The following RALGAPB variants were observed in gnomAD, a reference collection of about 807,000 sequenced individuals.
RALGAPB encodes the protein ral GTPase-activating protein subunit beta.
In RALGAPB, 25 loss-of-function variants were observed where a neutral mutation model predicts 161.1. That is an observed-to-expected ratio of 0.16 (90% CI 0.11 to 0.22). The LOEUF is 0.22. Among genes scored for constraint, RALGAPB ranks in the 10% least tolerant of loss-of-function variants. The pLI is 1.00. For synonymous variants in RALGAPB, 629 were observed against 626.1 expected (o/e 1.00, Z -0.07); for missense variants, 1,391 against 1,815.2 (o/e 0.77, Z 4.25).
intron 19 of RALGAPB, 84 bp downstream of exon 19, chr20:38,546,514 A>G: frequency 1.3e-6 from 2 of 1,564,722 alleles, no homozygotes; most frequent in South Asian, 2.3e-5. Flanking sequence ...TCAGGGAAGG[A>G]CAGCCTACAG....
At chr20:38,479,810 C>T (rs6064605) in intron 1 of RALGAPB, among the ~76,000 whole-genome samples, 1 of 152,142 alleles carries the variant, frequency 6.6e-6, no homozygotes, top group Admixed American at 6.5e-5. Context: ...ACTACAGTGC[C>T]TGAAACCTCC....
At chr20:38,520,868 A>G (rs1234133161) in intron 9 of RALGAPB, among the ~76,000 whole-genome samples, 5 of 152,032 alleles carry the variant, frequency 3.3e-5, no homozygotes, top group African/African-American at 7.2e-5. Context: ...TATCAATCCA[A>G]TTTTCTGATT....
chr20:38,482,526 C>G (rs2084999725), intron 1 of RALGAPB, among the ~76,000 whole-genome samples: 2 of 146,194 alleles, frequency 1.4e-5, no homozygotes, highest in African/African-American at 2.5e-5. Flanking sequence ...CTCCCAGGTT[C>G]AAGAGATTCT....
intron 17 of RALGAPB, 72 bp downstream of exon 17, chr20:38,540,030 A>C (rs2086920825): frequency 7.3e-7 from 1 of 1,363,862 alleles, no homozygotes; most frequent in Non-Finnish European, 1.0e-6. Context: ...TTTGAAAGAG[A>C]ATATCTAAAT....
Position 38,551,048 on chromosome 20 carries a change from CATA to C in RALGAPB, c.3010-20_3010-18del. On this transcript the variant is annotated intron_variant, in intron 20 of 29. Transcript: ENST00000262879. ...TGGGTATTGGACCCTGTGTAATAAA[CATA>C]ATGTTACTTGTTTTAACAGCTTTTT... 1.9e-6 allele frequency: 3 copies of C among 1,611,728 alleles called. No homozygotes were observed. The South Asian group carries it at 3.3e-5, about 18-fold the overall frequency.
intron 9 of RALGAPB, 107 bp downstream of exon 9, chr20:38,518,107 T>A: frequency 9.2e-7 from 1 of 1,081,276 alleles, no homozygotes; most frequent in Non-Finnish European, 1.3e-6. Context: ...AAAAGCTCTC[T>A]GTTTCTGACC....
At position 38,560,957 on chromosome 20, in the gene RALGAPB, G is replaced by A. The variant is rs577989693; in HGVS notation, c.3532-1575G>A. Among the ~76,000 whole-genome samples, 17 of 152,330 alleles carry A rather than the reference G, an allele frequency of 1.1e-4. No homozygotes were observed. The East Asian group carries it at 3.1e-3, about 28-fold the overall frequency. On this transcript the variant is annotated intron_variant, in intron 23 of 29. Transcript: ENST00000262879. Reference sequence around the variant, plus strand: ...AATTTGAATTGCAAAAACTAGAAATGGTTGTTAAGTCAGTTTCTTGGCGTC... The same window carrying A: ...AATTTGAATTGCAAAAACTAGAAATAGTTGTTAAGTCAGTTTCTTGGCGTC...
intron 6 of RALGAPB, 114 bp from the exon 7 acceptor site, chr20:38,516,078 C>T: frequency 1.3e-6 from 1 of 768,246 alleles, no homozygotes; most frequent in Non-Finnish European, 2.0e-6. Flanking sequence ...ACAAATCAGT[C>T]TCTTTTCTGA....
chr20:38,565,034 G>A (rs1008823264), intron 24 of RALGAPB, among the ~76,000 whole-genome samples: 5 of 151,332 alleles, frequency 3.3e-5, no homozygotes, highest in African/African-American at 1.2e-4. Flanking sequence ...TGAGGGACTG[G>A]GATGGTCTTC....
intron 9 of RALGAPB, among the ~76,000 whole-genome samples, chr20:38,519,076 A>G (rs13038344): frequency 0.083 from 12,606 of 152,220 alleles, 738 homozygotes; most frequent in Non-Finnish European, 0.13. Context: ...AATTTAGAAA[A>G]GTTGTGAATA....
intron 15 of RALGAPB, among the ~76,000 whole-genome samples, chr20:38,533,487 C>A (rs1007595555): frequency 1.3e-5 from 2 of 152,150 alleles, no homozygotes; most frequent in Non-Finnish European, 2.9e-5. Flanking sequence ...TGTATTAAAT[C>A]TGTGAGCACT....
intron 28 of RALGAPB, among the ~76,000 whole-genome samples, chr20:38,572,644 A>G (rs1436766202): frequency 1.3e-5 from 2 of 152,230 alleles, no homozygotes; most frequent in African/African-American, 4.8e-5. Context: ...TTTTAGCATT[A>G]TCATTTTAAA....
intron 5 of RALGAPB, among the ~76,000 whole-genome samples, chr20:38,500,832 G>A (rs1209768711): frequency 6.6e-6 from 1 of 152,168 alleles, no homozygotes; most frequent in African/African-American, 2.4e-5. Flanking sequence ...ATGATATGGA[G>A]AAAGTTTGAG....
rs527382508 is a variant in RALGAPB, at chr20:38,484,554, GTTTTA to G, written c.-30-3844_-30-3840del. On this transcript the variant is annotated intron_variant, in intron 1 of 29. Transcript: ENST00000262879. ...ATTGTGTTTTTTTGTTTTTGTTTTT[GTTTTA>G]TTTTGTTTTGAGTTTAGTTGATAAC... Among the ~76,000 whole-genome samples, 126 of 151,836 alleles carry G rather than the reference GTTTTA, an allele frequency of 8.3e-4. 1 individual carries two copies. Among genetic ancestry groups the G allele is most frequent in the African/African-American group, 2.9e-3 (119 of 41,250 alleles).
chr20:38,545,677 C>G (rs1055863137), intron 18 of RALGAPB, among the ~76,000 whole-genome samples: 2 of 152,180 alleles, frequency 1.3e-5, no homozygotes, highest in African/African-American at 4.8e-5. Flanking sequence ...AAGACTGTCT[C>G]AGAACTTCAG....
chr20:38,487,194 G>A (rs544407075), intron 1 of RALGAPB, among the ~76,000 whole-genome samples: 178 of 152,192 alleles, frequency 1.2e-3, no homozygotes, highest in Non-Finnish European at 2.3e-3. Flanking sequence ...GGTAAGAAAG[G>A]ATTTGCTGGG....
intron 5 of RALGAPB, among the ~76,000 whole-genome samples, chr20:38,502,949 C>T (rs937372565): frequency 2.0e-5 from 3 of 151,980 alleles, no homozygotes; most frequent in African/African-American, 7.3e-5. Context: ...GCTGTGTTGC[C>T]CAGGCTAGAG....
intron 26 of RALGAPB, among the ~76,000 whole-genome samples, chr20:38,568,214 ATACTG>A (rs1321751687): frequency 6.6e-6 from 1 of 152,120 alleles, no homozygotes; most frequent in Non-Finnish European, 1.5e-5. Flanking sequence ...TTTCTCACTT[ATACTG>A]TACTTTGCAG....
At chr20:38,565,302 ATACTGGTTTTTTCC>A in intron 24 of RALGAPB, 43 bp from the exon 25 acceptor site, 1 of 1,583,960 alleles carries the variant, frequency 6.3e-7, no homozygotes, top group South Asian at 1.1e-5. Flanking sequence ...TAGCAAGATG[ATACTGGTTTTTTCC>A]TACTTTTTGA....
Sources: allele counts gnomAD v4.1 joint callset (sites outside exome capture counted in the v4.1 genomes callset), GRCh38; gene constraint gnomAD v4.1.1; transcripts MANE v1.5; gene names NCBI Gene and HGNC (gene_info 2026-07-23, HGNC 2026-07-21).